The following INO80 variants were observed in gnomAD, a reference collection of about 807,000 sequenced individuals.
INO80 encodes the protein INO80 complex ATPase subunit.
INO80 carries 20 observed loss-of-function variants against 203.4 expected under a neutral mutation model. The observed-to-expected ratio is 0.10, with a 90% CI of 0.07 to 0.14. The LOEUF (loss-of-function observed/expected upper bound fraction) is 0.14, where lower values mean the gene tolerates loss of function less well. Ranked by LOEUF, INO80 falls within the 10% of genes least tolerant of loss-of-function variation. The pLI is 1.00. For synonymous variants in INO80, 726 were observed against 685.2 expected (o/e 1.06, Z -0.93); for missense variants, 1,419 against 1,914.4 (o/e 0.74, Z 4.83).
rs1261494765 is a variant in INO80, at chr15:41,071,980, C to A, written c.1474G>T (p.Gly492Trp). 1.2e-6 allele frequency: 2 copies of A among 1,613,544 alleles called. No individual in the cohort carries two copies. Among genetic ancestry groups the A allele is most frequent in the Admixed American group, 3.3e-5 (2 of 59,962 alleles). The change falls in exon 12 of 36, where the codon GGG becomes TGG. Residue 492 changes from glycine to tryptophan, a missense_variant. Physicochemically the swap from Gly to Trp is radical, Grantham distance 184. This residue lies in a region of INO80 where 116 missense variants were observed against 119.5 expected (regional missense o/e 0.97). Transcript: ENST00000648947. Reference protein sequence around the residue: ...RAANKSGTGFGESYSLANPSI... With the variant: ...RAANKSGTGFWESYSLANPSI... ...GGGTTAGCCAGGCTATAACTCTCCC[C>A]AAACCCAGTGCCAGACTTGTTTGCT...
chr15:41,113,222 T>C (rs2045982403), intron 1 of INO80, among the ~76,000 whole-genome samples: 1 of 151,976 alleles, frequency 6.6e-6, no homozygotes, highest in Non-Finnish European at 1.5e-5. Context: ...ACCTATTTAA[T>C]GTGAATTTGT....
chr15:40,985,633 G>C (rs572664397), intron 31 of INO80, among the ~76,000 whole-genome samples: 2 of 152,036 alleles, frequency 1.3e-5, no homozygotes, highest in Non-Finnish European at 2.9e-5. Flanking sequence ...GGGCTGGCTC[G>C]GTGTGGTGAC....
At chr15:40,983,152 C>CCTGA (rs1354965766) in intron 34 of INO80, 75 bp from the exon 35 acceptor site, 1 of 1,245,786 alleles carries the variant, frequency 8.0e-7, no homozygotes, top group African/African-American at 1.5e-5. Context: ...ATCACCTTCT[C>CCTGA]CTGACAGGGA....
chr15:41,084,231 G>C (rs2045526831), intron 7 of INO80, among the ~76,000 whole-genome samples: 1 of 151,042 alleles, frequency 6.6e-6, no homozygotes, highest in Admixed American at 6.6e-5. Context: ...TATGGCATCT[G>C]GTTTGCAACT....
At position 41,101,786 on chromosome 15, in the gene INO80, G is replaced by A. The variant is rs541737810; in HGVS notation, c.-43-5433C>T. On this transcript the variant is annotated intron_variant, in intron 1 of 35. Transcript: ENST00000648947. ...AGGATGATCTCGATCTCCTGACCTCGTGATCCACCCACCTCGGCCTCCCAA... is the reference window on the plus strand; with the variant it reads ...AGGATGATCTCGATCTCCTGACCTCATGATCCACCCACCTCGGCCTCCCAA... Among the ~76,000 whole-genome samples, 192 of 151,926 alleles carry A rather than the reference G, an allele frequency of 1.3e-3. 2 individuals carry two copies. In the East Asian group the frequency reaches 0.027, roughly 22 times the overall value.
intron 28 of INO80, among the ~76,000 whole-genome samples, chr15:40,997,900 G>A (rs1370960376): frequency 6.6e-6 from 1 of 151,644 alleles, no homozygotes; most frequent in Non-Finnish European, 1.5e-5. Context: ...TACCATAGAT[G>A]TACAGACCTC....
chr15:41,065,017 G>C (rs1596304885), intron 14 of INO80, among the ~76,000 whole-genome samples: 1 of 151,808 alleles, frequency 6.6e-6, no homozygotes, highest in Non-Finnish European at 1.5e-5. Context: ...GGTAGAAAAA[G>C]AGTGCAGTGT....
chr15:41,112,858 C>A (rs1016188427), intron 1 of INO80, among the ~76,000 whole-genome samples: 2 of 151,342 alleles, frequency 1.3e-5, no homozygotes, highest in African/African-American at 4.9e-5. Flanking sequence ...CTATTAACCC[C>A]AACCCACTTT....
chr15:41,079,802 G>A lies in INO80; in HGVS notation c.1030C>T (p.Leu344Phe). 6.2e-7 allele frequency: 1 copy of A among 1,614,126 alleles called. No homozygotes were observed. The highest frequency in any genetic ancestry group is 8.5e-7 in the Non-Finnish European group (1 of 1,180,012). ...PRARRLTKEM[L>F]LYWKKYEKVE... Reference sequence around the variant, plus strand: ...TTCTCATATTTCTTCCAGTACAGAAGCATCTCCTTGGTGAGGCGGCGGGCA... The same window carrying A: ...TTCTCATATTTCTTCCAGTACAGAAACATCTCCTTGGTGAGGCGGCGGGCA... The change falls in exon 9 of 36, where the codon CTT (leucine) becomes TTT (phenylalanine). Residue 344 changes from leucine to phenylalanine, a missense_variant. By Grantham distance (22) the Leu-to-Phe change is conservative (BLOSUM62 0). This residue lies in a region of INO80 where 87 missense variants were observed against 150.5 expected (regional missense o/e 0.58). Transcript: ENST00000648947.
intron 26 of INO80, among the ~76,000 whole-genome samples, chr15:41,020,366 G>A (rs2044273152): frequency 6.6e-6 from 1 of 152,184 alleles, no homozygotes; most frequent in African/African-American, 2.4e-5. Flanking sequence ...TTCCTTAAAA[G>A]TAGTCTCACT....
At chr15:41,094,271 T>G (rs1188124199) in intron 4 of INO80, among the ~76,000 whole-genome samples, 1 of 152,180 alleles carries the variant, frequency 6.6e-6, no homozygotes, top group East Asian at 1.9e-4. Flanking sequence ...TCTTGTAACT[T>G]CATCTTCCAC....
intron 14 of INO80, among the ~76,000 whole-genome samples, chr15:41,060,796 C>T (rs940928628): frequency 3.6e-4 from 55 of 152,216 alleles, no homozygotes; most frequent in African/African-American, 1.2e-3. Flanking sequence ...TCCCCACCAA[C>T]CCCCAAATAA....
At position 41,060,958 on chromosome 15, in the gene INO80, C is replaced by G. The variant is rs554574393; in HGVS notation, c.1783-1032G>C. Among the ~76,000 whole-genome samples, 6 of 152,096 alleles carry G rather than the reference C, an allele frequency of 3.9e-5. No individual in the cohort carries two copies. The South Asian group carries it at 1.0e-3, about 26-fold the overall frequency. ...AAGACCGTATCACATGAATGAAAGC[C>G]TACATGAAAGAAAGATAACGTACAC... is the stretch of plus-strand genomic sequence containing the variant. On this transcript the variant is annotated intron_variant, in intron 14 of 35. Transcript: ENST00000648947.
chr15:41,099,266 A>AAAAAAAACAC (rs1412468777), intron 1 of INO80, among the ~76,000 whole-genome samples: 1 of 122,026 alleles, frequency 8.2e-6, no homozygotes, highest in African/African-American at 3.3e-5. Flanking sequence ...AAAAAAAAAA[A>AAAAAAAACAC]ACAAACACAC....
intron 17 of INO80, 108 bp from the exon 18 acceptor site, chr15:41,055,472 A>T: frequency 2.0e-6 from 1 of 494,846 alleles, no homozygotes; most frequent in Non-Finnish European, 3.6e-6. Context: ...AAGTGCCTAG[A>T]TGCATGTGTA....
At chr15:41,098,003 T>G (rs2045751173) in intron 1 of INO80, among the ~76,000 whole-genome samples, 1 of 151,974 alleles carries the variant, frequency 6.6e-6, no homozygotes, top group Non-Finnish European at 1.5e-5. Flanking sequence ...AGTTTTTTTG[T>G]TTATTTGTGG....
chr15:41,058,576 T>C (rs1026852994), intron 16 of INO80, 63 bp downstream of exon 16: 12,522 of 828,916 alleles, frequency 0.015, no homozygotes, highest in South Asian at 0.02. Context: ...TGTGCGTGTG[T>C]GTGTGTGTGT....
rs551785159 is a variant in INO80 at position 41,038,400 on chromosome 15, A to ACTTTTT, written c.2907+6498_2907+6503dup. On this transcript the variant is annotated intron_variant, in intron 24 of 35. Transcript: ENST00000648947. ...CCAAACTCCCCTCCTGAAATACCTT[A>ACTTTTT]CTTTTTAACTGTCACACTTCAATAC... is the stretch of plus-strand genomic sequence containing the variant. Among the ~76,000 whole-genome samples the ACTTTTT allele has an allele frequency of 2.7e-3, 406 of 152,228 alleles. 2 individuals are homozygous for ACTTTTT. Among genetic ancestry groups the ACTTTTT allele is most frequent in the South Asian group, 0.013 (62 of 4,824 alleles).
At chr15:40,985,175 C>A (rs1394380329) in intron 32 of INO80, among the ~76,000 whole-genome samples, 163 bp downstream of exon 32, 1 of 152,164 alleles carries the variant, frequency 6.6e-6, no homozygotes, top group African/African-American at 2.4e-5. Flanking sequence ...GGCCACATTT[C>A]TCCTGAGCAA....
Sources: gnomAD v4.1 joint callset for allele counts (sites outside exome capture counted in the v4.1 genomes callset) on GRCh38, gnomAD v4.1.1 for gene constraint, gnomAD v4.1.1 regional missense constraint, MANE v1.5 for transcripts, NCBI Gene and HGNC (gene_info 2026-07-23, HGNC 2026-07-21) for gene names.